Variants in CLEC7A observed in about 807,000 individuals in gnomAD.
CLEC7A encodes C-type lectin domain containing 7A.
Under a neutral mutation model 26.9 loss-of-function variants are expected in CLEC7A, and 25 were observed. The observed-to-expected ratio is 0.93, with a 90% CI of 0.68 to 1.30. The LOEUF (loss-of-function observed/expected upper bound fraction) is 1.30, where lower values mean the gene tolerates loss of function less well. Ranked by LOEUF, CLEC7A falls within the 50% of genes most tolerant of loss-of-function variation. The probability of loss-of-function intolerance (pLI) is 0.00; values close to 1 mark genes in which losing one functional copy is unlikely to be tolerated. For synonymous variants in CLEC7A, 100 were observed against 99.5 expected (o/e 1.01, Z -0.03); for missense variants, 275 against 286.7 (o/e 0.96, Z 0.29).
At chr12:10,130,263 C>T, upstream of CLEC7A, 1 of 468,254 alleles carries the variant, frequency 2.1e-6, no homozygotes, top group Non-Finnish European at 3.9e-6. Context: ...GGAAATGAAA[C>T]TATGCTGTGG....
At position 10,122,910 on chromosome 12, in the gene CLEC7A, C is replaced by A. The variant is rs11053607; in HGVS notation, c.611+335G>T. Among the ~76,000 whole-genome samples the A allele has an allele frequency of 8.3e-3, 1,260 of 152,250 alleles. 47 individuals carry two copies. The East Asian group carries it at 0.11, about 13-fold the overall frequency. On this transcript the variant is annotated intron_variant, in intron 5 of 5. Transcript: ENST00000304084. The stretch of plus-strand genomic sequence containing the variant: ...ATTAACCCAAACTGAGGCCTGGCTT[C>A]AAAACCCATGCTCTTAACCGGGGAG...
chr12:10,126,117 A>G (rs1948273990), intron 3 of CLEC7A: 1 of 935,040 alleles, frequency 1.1e-6, no homozygotes, highest in Non-Finnish European at 1.3e-6. Context: ...TCTTTTGTAT[A>G]TTTTTAATAT....
chr12:10,126,945 TG>T, intron 2 of CLEC7A: 1 of 873,900 alleles, frequency 1.1e-6, no homozygotes, highest in Non-Finnish European at 1.6e-6. Flanking sequence ...AAAAAGAAGG[TG>T]GAGAAGAAGA....
Position 10,123,344 on chromosome 12 carries a change from A to T in CLEC7A, c.512T>A (p.Val171Glu). The T allele has an allele frequency of 6.3e-7, 1 of 1,596,670 alleles. No individual in the cohort carries two copies. The highest frequency in any genetic ancestry group is 8.6e-7 in the Non-Finnish European group (1 of 1,164,042). Residue 171 changes from valine (V) to glutamate (E), a missense_variant, in exon 5 of 6, where the codon GTG (valine) becomes GAG (glutamate). Physicochemically the swap from Val to Glu is moderately radical, Grantham distance 121. Coordinates refer to ENST00000304084, the MANE Select transcript of CLEC7A (RefSeq NM_197947.3). ...SNELGFIVKQ[V>E]SSQPDNSFWI... is the part of the protein sequence containing the mutation. ...AAATGAATTATCAGGTTGGGAAGAC[A>T]CTTGTTTTACTATAAATCCCTGTAA...
chr12:10,122,484 CTTT>C (rs143612827), intron 5 of CLEC7A, among the ~76,000 whole-genome samples: 39 of 128,770 alleles, frequency 3.0e-4, no homozygotes, highest in African/African-American at 9.1e-4. Flanking sequence ...TTCTTTTTTT[CTTT>C]TTTTTTTTTT....
chr12:10,125,345 G>A lies in CLEC7A; in HGVS notation c.444C>T (p.Cys148=), dbSNP rs913570758. ...TTAGGAGATTAGAGCCCAGTTGCCA[G>A]CATTGTCTTTTACTTCCATCCCAGG... ...LNSWDGSKRQ[C]WQLGSNLLKI... The change falls in exon 4 of 6, where the codon TGC becomes TGT. Residue 148 remains cysteine, a synonymous_variant. Transcript: ENST00000304084. The A allele has an allele frequency of 1.9e-6, 3 of 1,613,642 alleles. No individual in the cohort carries two copies. The Admixed American group carries it at 5.0e-5, about 27-fold the overall frequency.
chr12:10,126,675 A>G lies in CLEC7A; in HGVS notation c.236T>C (p.Leu79Ser). Residue 79 changes from leucine to serine, a missense_variant, in exon 3 of 6, where the codon TTG (leucine) becomes TCG (serine). Leu to Ser is a moderately radical substitution (Grantham distance 145). Coordinates refer to ENST00000304084, the MANE Select transcript of CLEC7A (RefSeq NM_197947.3). The stretch of plus-strand genomic sequence containing the variant: ...TCTTGATAGAAAGTAGCCATTCTCC[A>G]ATGTGTTGCTTCCTGAATTGGATCT... ...IWRSNSGSNT[L>S]ENGYFLSRNK... The G allele has an allele frequency of 1.2e-6, 2 of 1,612,668 alleles. No individual in the cohort carries two copies. Among genetic ancestry groups the G allele is most frequent in the Non-Finnish European group, 1.7e-6 (2 of 1,179,448 alleles).
intron 5 of CLEC7A, among the ~76,000 whole-genome samples, chr12:10,119,822 C>A (rs1948021162): frequency 6.7e-6 from 1 of 150,210 alleles, no homozygotes. Context: ...AACTAATCAA[C>A]ACAAAAGAAA....
intron 4 of CLEC7A, chr12:10,124,639 A>G (rs956578905): frequency 6.6e-6 from 1 of 152,130 alleles, no homozygotes; most frequent in East Asian, 1.9e-4. Flanking sequence ...TTCTAAACAT[A>G]TATTATCATT....
chr12:10,125,025 C>T (rs1002131203), intron 4 of CLEC7A: 8 of 401,888 alleles, frequency 2.0e-5, no homozygotes, highest in Admixed American at 7.4e-5. Flanking sequence ...GGAGAAACCT[C>T]GTCTCTATGA....
chr12:10,118,692 T>C (rs1201782753), intron 5 of CLEC7A, 102 bp from the exon 6 acceptor site: 1 of 1,010,256 alleles, frequency 9.9e-7, no homozygotes, highest in Non-Finnish European at 1.4e-6. Flanking sequence ...AAAAGAGTTC[T>C]GAAGTGTTTC....
intron 1 of CLEC7A, among the ~76,000 whole-genome samples, chr12:10,129,243 CA>C (rs899692469): frequency 1.4e-4 from 21 of 148,960 alleles, no homozygotes; most frequent in South Asian, 2.1e-4. Flanking sequence ...TCTCTTACCA[CA>C]AAAAAAAAAT....
In CLEC7A at chr12:10,124,278, A is replaced by G. The variant is rs761047249; in HGVS notation, c.493-915T>C. ...TTAATATAAATTATTACTACTGGGT[A>G]AGACATTACAGAAACAAAAACAAAA... On this transcript the variant is annotated intron_variant, in intron 4 of 5. Coordinates refer to ENST00000304084, the MANE Select transcript of CLEC7A (RefSeq NM_197947.3). Among the ~76,000 whole-genome samples the G allele has an allele frequency of 4.1e-4, 62 of 152,344 alleles. 2 individuals carry two copies. The highest frequency in any genetic ancestry group is 1.2e-3 in the South Asian group (6 of 4,824).
chr12:10,123,488 G>A, intron 4 of CLEC7A, 125 bp from the exon 5 acceptor site: 4 of 684,060 alleles, frequency 5.8e-6, no homozygotes, highest in East Asian at 2.8e-5. Flanking sequence ...AAGGCCGGGC[G>A]CGGTGGCTCA....
chr12:10,122,494 T>C (rs1948122754), intron 5 of CLEC7A, among the ~76,000 whole-genome samples: 4 of 148,160 alleles, frequency 2.7e-5, no homozygotes. Context: ...CTTTTTTTTT[T>C]TTTTTTTTTT....
Position 10,130,129 on chromosome 12 carries a change from C to A in CLEC7A, c.-47G>T. On this transcript the variant is annotated 5_prime_UTR_variant, in exon 1 of 6. Coordinates refer to ENST00000304084, the MANE Select transcript of CLEC7A (RefSeq NM_197947.3). ...AGATATAGCATTTGGGAGCTCTTTT[C>A]TTTCTGCTCCTGAGATGACTGTCTG... The A allele has an allele frequency of 2.3e-6, 2 of 888,862 alleles. No homozygotes were observed. Among genetic ancestry groups the A allele is most frequent in the South Asian group, 2.8e-5 (2 of 72,036 alleles). The allele number at this position is 888,862 out of a possible 1,614,324, so 55.1% of individuals were successfully genotyped here. A position where few individuals can be genotyped will look rare whatever the true frequency, so the allele number is the denominator to read the frequency against.
chr12:10,126,291 G>T, intron 3 of CLEC7A: 1 of 982,678 alleles, frequency 1.0e-6, no homozygotes, highest in South Asian at 4.7e-5. Flanking sequence ...ATGATCTCCT[G>T]TAGATCTAAG....
rs757275734 is a variant in CLEC7A at position 10,127,860 on chromosome 12, G to A, written c.104-15C>T. 228 of 1,500,164 alleles carry A rather than the reference G, an allele frequency of 1.5e-4. No individual in the cohort carries two copies. In the East Asian group the frequency reaches 1.7e-3, roughly 11 times the overall value. The allele number at this position is 1,500,164 out of a possible 1,614,324, so 92.9% of individuals were successfully genotyped here. A position where few individuals can be genotyped will look rare whatever the true frequency, so the allele number is the denominator to read the frequency against. ...AGCACACGATCCTGAGGAGCCAGAGGGGGCAGAAATGGAATAAAGAAAGAG... is the reference window on the plus strand; with the variant it reads ...AGCACACGATCCTGAGGAGCCAGAGAGGGCAGAAATGGAATAAAGAAAGAG... On this transcript the variant is annotated splice_polypyrimidine_tract_variant and intron_variant, in intron 1 of 5. Transcript: ENST00000304084.
intron 5 of CLEC7A, 67 bp from the exon 6 acceptor site, chr12:10,118,657 A>G: frequency 7.4e-7 from 1 of 1,346,508 alleles, no homozygotes; most frequent in South Asian, 1.3e-5. Flanking sequence ...CATGGCGCAC[A>G]AATAAATTAG....
Sources: allele counts gnomAD v4.1 joint callset (sites outside exome capture counted in the v4.1 genomes callset), GRCh38; gene constraint gnomAD v4.1.1; transcripts MANE v1.5; gene names NCBI Gene and HGNC (gene_info 2026-07-23, HGNC 2026-07-21).